LTBP1: variants seen among roughly 807,000 people sequenced by gnomAD.
LTBP1 encodes latent transforming growth factor beta binding protein 1, also known as latent-transforming growth factor beta-binding protein 1.
A neutral mutation model predicts 207.6 loss-of-function variants in LTBP1; 129 were observed. The ratio of observed to expected loss-of-function variants is 0.62; its 90% CI spans 0.54 to 0.72. The LOEUF (loss-of-function observed/expected upper bound fraction) is 0.72. LTBP1 is among the 30% of genes least tolerant of loss of function. The probability of loss-of-function intolerance (pLI) is 0.00; values close to 1 mark genes in which losing one functional copy is unlikely to be tolerated. For missense variants in LTBP1, 2,281 were observed against 2,217.2 expected (o/e 1.03, Z -0.58); for synonymous variants, 963 against 833.7 (o/e 1.16, Z -2.67).
At chr2:33,141,558 C>T in intron 5 of LTBP1, among the ~76,000 whole-genome samples, 1 of 152,018 alleles carries the variant, frequency 6.6e-6, no homozygotes, top group East Asian at 1.9e-4. Flanking sequence ...AAGTGATAGA[C>T]ACTCTGAGGG....
intron 30 of LTBP1, among the ~76,000 whole-genome samples, chr2:33,364,785 C>G (rs1480851106): frequency 2.6e-5 from 4 of 152,224 alleles, no homozygotes; most frequent in Non-Finnish European, 5.9e-5. Flanking sequence ...AACTCCTGTC[C>G]TCCCTGATGC....
At position 33,108,952 on chromosome 2, in the gene LTBP1, T is replaced by G. The variant is rs7561504; in HGVS notation, c.864-1630T>G. Among the ~76,000 whole-genome samples, 1,338 of 152,296 alleles carry G rather than the reference T, an allele frequency of 8.8e-3. 16 individuals are homozygous for G. Among genetic ancestry groups the G allele is most frequent in the African/African-American group, 0.029 (1,222 of 41,556 alleles). ...TGTTAAGCCTCAGGCTTTTAGTAAT[T>G]TAGTCATTAGTCTGGTGACAAAGGG... On this transcript the variant is annotated intron_variant, in intron 3 of 33. Transcript: ENST00000404816.
chr2:33,366,474 G>T (rs978420003), intron 31 of LTBP1, among the ~76,000 whole-genome samples: 5 of 152,218 alleles, frequency 3.3e-5, no homozygotes, highest in African/African-American at 1.2e-4. Flanking sequence ...AACGTAGCAT[G>T]AAAGAGAAAA....
At chr2:33,094,860 A>G (rs1178113036) in intron 3 of LTBP1, among the ~76,000 whole-genome samples, 2 of 152,174 alleles carry the variant, frequency 1.3e-5, no homozygotes, top group East Asian at 3.8e-4. Context: ...AAAAAGTTGC[A>G]TTTACCCATT....
At position 33,188,713 on chromosome 2, in the gene LTBP1, C is replaced by T; in HGVS notation, c.1563C>T (p.Val521=). Residue 521 remains valine (V), a synonymous_variant, in exon 7 of 34, where the codon GTC becomes GTT. Coordinates refer to ENST00000404816, the MANE Select transcript of LTBP1 (RefSeq NM_206943.4). The part of the protein sequence containing the change: ...TKEAQPGQSQ[V]SYQGLPVQKT... ...AAGCTCAACCAGGCCAATCCCAAGT[C>T]TCGTACCAAGGGCTTCCTGTCCAGA... 1 of 1,614,160 alleles carries T rather than the reference C, an allele frequency of 6.2e-7. No individual in the cohort carries two copies. The highest frequency in any genetic ancestry group is 8.5e-7 in the Non-Finnish European group (1 of 1,180,026).
chr2:33,258,636 A>C (rs1225611475), intron 12 of LTBP1, among the ~76,000 whole-genome samples: 1 of 152,206 alleles, frequency 6.6e-6, no homozygotes, highest in Non-Finnish European at 1.5e-5. Context: ...CATTGTTTGC[A>C]CAGGCAGGAG....
chr2:33,250,200 G>A lies in LTBP1; in HGVS notation c.2000-2477G>A, dbSNP rs1053829489. ...AAAAGAACAACAGGCAATTTAGGTC[G>A]TAAAATAGGGGCAGTTTTAAATGGC... is the stretch of plus-strand genomic sequence containing the variant. On this transcript the variant is annotated intron_variant, in intron 10 of 33. Coordinates refer to ENST00000404816, the MANE Select transcript of LTBP1 (RefSeq NM_206943.4). 4.6e-5 allele frequency among the ~76,000 whole-genome samples: 7 copies of A among 152,260 alleles called. 1 individual carries two copies. The East Asian group carries it at 9.6e-4, about 21-fold the overall frequency.
intron 31 of LTBP1, among the ~76,000 whole-genome samples, chr2:33,374,803 T>C (rs2095116481): frequency 6.6e-6 from 1 of 152,048 alleles, no homozygotes; most frequent in Admixed American, 6.5e-5. Flanking sequence ...AATACAAAAA[T>C]TACCTGGGTG....
intron 3 of LTBP1, among the ~76,000 whole-genome samples, chr2:33,069,178 G>A (rs1558591551): frequency 6.6e-6 from 1 of 152,100 alleles, no homozygotes; most frequent in Non-Finnish European, 1.5e-5. Flanking sequence ...GTACTTGTTA[G>A]GTATCCCTGG....
At chr2:32,987,022 C>A (rs1029899926) in intron 2 of LTBP1, among the ~76,000 whole-genome samples, 2 of 152,134 alleles carry the variant, frequency 1.3e-5, no homozygotes, top group South Asian at 4.2e-4. Flanking sequence ...CAGGGCTAGC[C>A]CCATGTAGCT....
intron 23 of LTBP1, 92 bp from the exon 24 acceptor site, chr2:33,315,052 T>G: frequency 9.9e-7 from 1 of 1,015,228 alleles, no homozygotes; most frequent in Non-Finnish European, 1.4e-6. Context: ...TGTCCAGCCA[T>G]GTCATAATAG....
chr2:33,338,203 A>G (rs2094574881), intron 24 of LTBP1, among the ~76,000 whole-genome samples: 1 of 152,160 alleles, frequency 6.6e-6, no homozygotes. Flanking sequence ...CTATTCATTC[A>G]AATCCAAAAT....
At chr2:33,012,850 T>C (rs967830318) in intron 2 of LTBP1, among the ~76,000 whole-genome samples, 6 of 152,208 alleles carry the variant, frequency 3.9e-5, no homozygotes, top group Admixed American at 1.3e-4. Context: ...TATGTACTCA[T>C]CATACATATA....
chr2:32,996,469 CCCATGACACTGT>C (rs1685289876), intron 2 of LTBP1, among the ~76,000 whole-genome samples: 1 of 152,146 alleles, frequency 6.6e-6, no homozygotes, highest in East Asian at 1.9e-4. Context: ...AAACATTCAG[CCCATGACACTGT>C]TCATTTATTT....
Position 33,347,454 on chromosome 2 carries a change from A to T in LTBP1, c.3944A>T (p.Asp1315Val). The change falls in exon 26 of 34, where the codon GAT becomes GTT. Residue 1315 changes from aspartate (D) to valine (V), a missense_variant. Asp to Val is a radical substitution (Grantham distance 152). Transcript: ENST00000404816. Reference protein sequence around the residue: ...VEGSFLCVCADENQEYSPMTG... With the variant: ...VEGSFLCVCAVENQEYSPMTG... ...GGGTCCTTCCTGTGCGTGTGTGCTG[A>T]TGAAAACCAAGAGTACAGCCCCATG... 6.2e-7 allele frequency: 1 copy of T among 1,614,174 alleles called. No individual in the cohort carries two copies.
At chr2:33,245,209 G>C (rs1259111088) in intron 10 of LTBP1, among the ~76,000 whole-genome samples, 4 of 152,088 alleles carry the variant, frequency 2.6e-5, no homozygotes, top group African/African-American at 9.7e-5. Context: ...TGTGGCTTTG[G>C]TATATAATGA....
Position 32,947,826 on chromosome 2 carries a change from C to G in LTBP1, c.494+8C>G. On this transcript the variant is annotated splice_region_variant and intron_variant, in intron 1 of 33. Transcript: ENST00000404816. The stretch of plus-strand genomic sequence containing the variant: ...GAAGCAGCAGCTGCAGGGGTAAGCC[C>G]ACACCCCCTTCCGCCCGCCCGCCCG... The G allele has an allele frequency of 7.5e-7, 1 of 1,332,614 alleles. No individual in the cohort carries two copies. Among genetic ancestry groups the G allele is most frequent in the Non-Finnish European group, 9.7e-7 (1 of 1,033,838 alleles). The allele number at this position is 1,332,614 out of a possible 1,614,324, so 82.5% of individuals were successfully genotyped here.
At chr2:32,988,791 T>G (rs1357030435) in intron 2 of LTBP1, among the ~76,000 whole-genome samples, 1 of 152,240 alleles carries the variant, frequency 6.6e-6, no homozygotes, top group Non-Finnish European at 1.5e-5. Context: ...GCTGCAGTGA[T>G]GTTAACATTG....
intron 11 of LTBP1, among the ~76,000 whole-genome samples, chr2:33,256,724 CT>C: frequency 1.5e-5 from 1 of 68,832 alleles, no homozygotes; most frequent in Non-Finnish European, 2.8e-5. Flanking sequence ...GGAGGGCTAA[CT>C]ATATATATAT....
Sources: gnomAD v4.1 joint callset for allele counts (sites outside exome capture counted in the v4.1 genomes callset) on GRCh38, gnomAD v4.1.1 for gene constraint, MANE v1.5 for transcripts, NCBI Gene and HGNC (gene_info 2026-07-23, HGNC 2026-07-21) for gene names.